PPIL6: variants seen among roughly 807,000 people sequenced by gnomAD.
The protein encoded by PPIL6 is peptidylprolyl isomerase like 6.
In PPIL6, 39 loss-of-function variants were observed where a neutral mutation model predicts 36.8. That is an observed-to-expected ratio of 1.06 (90% CI 0.82 to 1.38). The LOEUF is 1.38. Ranked by LOEUF, PPIL6 falls within the 40% of genes most tolerant of loss-of-function variation. The probability of loss-of-function intolerance (pLI) is 0.00; values close to 1 mark genes in which losing one functional copy is unlikely to be tolerated. For synonymous variants in PPIL6, 123 were observed against 134.1 expected (o/e 0.92, Z 0.57); for missense variants, 368 against 379.1 (o/e 0.97, Z 0.24).
chr6:109,415,552 T>C (rs1773210565), intron 6 of PPIL6, among the ~76,000 whole-genome samples: 1 of 152,202 alleles, frequency 6.6e-6, no homozygotes, highest in African/African-American at 2.4e-5. Flanking sequence ...ACAAATCTCT[T>C]TGATGATTTC....
Position 109,413,517 on chromosome 6 carries a change from T to G in PPIL6, c.688+5670A>C, listed in dbSNP as rs1773107183. Among the ~76,000 whole-genome samples, 1 of 152,230 alleles carries G rather than the reference T, an allele frequency of 6.6e-6. No homozygotes were observed. Among genetic ancestry groups the G allele is most frequent in the South Asian group, 2.1e-4 (1 of 4,826 alleles). Reference sequence around the variant, plus strand: ...CCCTTGTACACTGTTGGTGGGAATGTAAACTAATGTGCAACCACTATGGAG... The same window carrying G: ...CCCTTGTACACTGTTGGTGGGAATGGAAACTAATGTGCAACCACTATGGAG... On this transcript the variant is annotated intron_variant, in intron 6 of 7. Transcript: ENST00000521072. The surrounding 1 kb of genome is among the most constrained non-coding windows in gnomAD (Gnocchi z 4.6).
At chr6:109,432,549 T>C (rs1774215326) in intron 2 of PPIL6, among the ~76,000 whole-genome samples, 1 of 152,134 alleles carries the variant, frequency 6.6e-6, no homozygotes, top group African/African-American at 2.4e-5. Context: ...GATCTCAGAT[T>C]CTCAGAATCA....
intron 6 of PPIL6, among the ~76,000 whole-genome samples, chr6:109,403,722 C>T (rs767818086): frequency 2.8e-4 from 42 of 152,236 alleles, no homozygotes; most frequent in Non-Finnish European, 5.7e-4. Context: ...AAAATTAATT[C>T]GTTTATAAAA....
intron 2 of PPIL6, among the ~76,000 whole-genome samples, chr6:109,432,997 C>T (rs981215399): frequency 6.6e-5 from 10 of 152,032 alleles, no homozygotes; most frequent in African/African-American, 1.7e-4. Flanking sequence ...GCCAGTTGGT[C>T]GATACTTCCT....
At chr6:109,407,712 A>G (rs1340150160) in intron 6 of PPIL6, among the ~76,000 whole-genome samples, 1 of 152,234 alleles carries the variant, frequency 6.6e-6, no homozygotes, top group African/African-American at 2.4e-5. Context: ...TACTAATAAT[A>G]CCATCACCAG....
At chr6:109,395,551 C>T (rs1255291135) in intron 7 of PPIL6, among the ~76,000 whole-genome samples, 1 of 151,556 alleles carries the variant, frequency 6.6e-6, no homozygotes, top group African/African-American at 2.4e-5. Context: ...ACAGAGAGTT[C>T]TACTGGACAG....
intron 6 of PPIL6, among the ~76,000 whole-genome samples, chr6:109,409,827 C>T (rs551422650): frequency 2.0e-4 from 31 of 152,288 alleles, no homozygotes; most frequent in African/African-American, 7.0e-4. Flanking sequence ...AAAATCTCTA[C>T]AATGAAAACT....
Position 109,431,194 on chromosome 6 carries a change from G to T in PPIL6, c.383C>A (p.Thr128Asn). The part of the protein sequence containing the change: ...IKPSALYDAL[T>N]EDFSAKFLRD... ...TAAGAACTTAGCGGAAAAATCCTCA[G>T]TGAGTGCGTCATAAAGTGCAGAGGG... is the stretch of plus-strand genomic sequence containing the variant. The change falls in exon 3 of 8, where the codon ACT becomes AAT. Residue 128 changes from threonine (T) to asparagine (N), a missense_variant. Transcript: ENST00000521072. 6.2e-7 allele frequency: 1 copy of T among 1,611,820 alleles called. No individual in the cohort carries two copies. The highest frequency in any genetic ancestry group is 1.1e-5 in the South Asian group (1 of 90,280).
At chr6:109,428,962 G>T (rs1251289735) in intron 3 of PPIL6, among the ~76,000 whole-genome samples, 1 of 152,172 alleles carries the variant, frequency 6.6e-6, no homozygotes, top group Non-Finnish European at 1.5e-5. Context: ...ATCTTTATGA[G>T]ATAGTCCAGA....
At chr6:109,403,194 G>T in intron 6 of PPIL6, 1 of 937,224 alleles carries the variant, frequency 1.1e-6, no homozygotes, top group Non-Finnish European at 1.5e-6. Flanking sequence ...GACTAGTCTT[G>T]AACTCCTGGG....
intron 3 of PPIL6, among the ~76,000 whole-genome samples, chr6:109,430,354 A>G (rs1038052169): frequency 9.9e-5 from 15 of 151,756 alleles, no homozygotes; most frequent in Admixed American, 3.3e-4. Context: ...CTCATGCTTC[A>G]TGACTATCCT....
chr6:109,423,401 CTT>C (rs966431721), intron 5 of PPIL6, among the ~76,000 whole-genome samples: 1 of 149,112 alleles, frequency 6.7e-6, no homozygotes, highest in African/African-American at 2.5e-5. Flanking sequence ...TCAATAGGTA[CTT>C]TTTTTTTTCT....
intron 2 of PPIL6, among the ~76,000 whole-genome samples, chr6:109,433,059 CT>C (rs1216661459): frequency 3.4e-3 from 473 of 140,772 alleles, no homozygotes; most frequent in South Asian, 0.02. Context: ...CCAAAACTTT[CT>C]TTTTTTTTTT....
rs1772105561 is a variant in PPIL6 at position 109,391,731 on chromosome 6, TCAGC to T, written c.*1091_*1094del. 6.6e-6 allele frequency: 1 copy of T among 152,124 alleles called. No homozygotes were observed. The highest frequency in any genetic ancestry group is 1.5e-5 in the Non-Finnish European group (1 of 68,012). The allele number at this position is 152,124 out of a possible 1,614,324, so 9.4% of individuals were successfully genotyped here. A position where few individuals can be genotyped will look rare whatever the true frequency, so the allele number is the denominator to read the frequency against. Reference sequence around the variant, plus strand: ...TGAATCTCCAATAACATCACATGAGTCAGCCACCACGGACACTGTAAAACAAGCC... The same window carrying T: ...TGAATCTCCAATAACATCACATGAGTCACCACGGACACTGTAAAACAAGCC... On this transcript the variant is annotated 3_prime_UTR_variant, in exon 8 of 8. Coordinates refer to ENST00000521072, the MANE Select transcript of PPIL6 (RefSeq NM_173672.5).
intron 5 of PPIL6, among the ~76,000 whole-genome samples, chr6:109,424,355 G>A (rs578114280): frequency 1.3e-5 from 2 of 152,126 alleles, no homozygotes; most frequent in South Asian, 2.1e-4. Context: ...GTGTGCAACC[G>A]AGTGTGTAAG....
intron 6 of PPIL6, among the ~76,000 whole-genome samples, chr6:109,408,336 A>G (rs1263877171): frequency 6.6e-6 from 1 of 152,164 alleles, no homozygotes; most frequent in African/African-American, 2.4e-5. Flanking sequence ...ATTTTTCTTC[A>G]ATGTCCAATA....
intron 1 of PPIL6, among the ~76,000 whole-genome samples, chr6:109,438,214 C>T (rs1413927837): frequency 1.3e-5 from 2 of 151,816 alleles, no homozygotes; most frequent in Non-Finnish European, 2.9e-5. Context: ...AAATCTTTGT[C>T]AGTTAATCAG....
intron 7 of PPIL6, 67 bp downstream of exon 7, chr6:109,399,968 C>T (rs1772460701): frequency 7.4e-7 from 1 of 1,359,690 alleles, no homozygotes; most frequent in Non-Finnish European, 1.0e-6. Context: ...CAATACTTAT[C>T]CAAATATTTT....
chr6:109,400,112 G>T lies in PPIL6; in HGVS notation c.747C>A (p.Gly249=). ...KRGVLGMANK[G]RHSNGSQFYI... Reference sequence around the variant, plus strand: ...AGAATTGTGACCCGTTGCTGTGACGGCCTTTGTTGGCCATTCCAAGTACTC... The same window carrying T: ...AGAATTGTGACCCGTTGCTGTGACGTCCTTTGTTGGCCATTCCAAGTACTC... Residue 249 remains glycine, a synonymous_variant, in exon 7 of 8, where the codon GGC becomes GGA. Coordinates refer to ENST00000521072, the MANE Select transcript of PPIL6 (RefSeq NM_173672.5). The T allele has an allele frequency of 6.2e-7, 1 of 1,613,478 alleles. No individual in the cohort carries two copies. Among genetic ancestry groups the T allele is most frequent in the Non-Finnish European group, 8.5e-7 (1 of 1,179,562 alleles).
Sources: allele counts gnomAD v4.1 joint callset (sites outside exome capture counted in the v4.1 genomes callset), GRCh38; gene constraint gnomAD v4.1.1; non-coding constraint Gnocchi (gnomAD v3.1); transcripts MANE v1.5; gene names NCBI Gene and HGNC (gene_info 2026-07-23, HGNC 2026-07-21).